Variants in KCNS3 observed in about 807,000 individuals in gnomAD.
The protein encoded by KCNS3 is delayed-rectifier potassium channel regulatory subunit KCNS3.
Under a neutral mutation model 31.0 loss-of-function variants are expected in KCNS3, and 13 were observed. The observed-to-expected ratio is 0.42, with a 90% CI of 0.27 to 0.67. KCNS3 has a LOEUF of 0.67. Among genes scored for constraint, KCNS3 ranks in the 30% least tolerant of loss-of-function variants. KCNS3 has a pLI of 0.25. For missense variants in KCNS3, 545 were observed against 622.4 expected, an observed-to-expected ratio of 0.88 and a Z score of 1.32; for synonymous variants, 238 against 241.5, an observed-to-expected ratio of 0.99 and a Z score of 0.13.
chr2:17,878,784 T>A lies in KCNS3; in HGVS notation c.-274T>A, dbSNP rs376122949. 1.8e-4 allele frequency: 28 copies of A among 152,072 alleles called. No individual in the cohort carries two copies. Among genetic ancestry groups the A allele is most frequent in the African/African-American group, 6.3e-4 (26 of 41,428 alleles). 9.4% of individuals were successfully genotyped at this position (152,072 alleles called of 1,614,324 possible). ...GGCGGCGTCGCAGAGCGGAGCTAGC[T>A]GGATGCGTCCGGACTCCTGCAGGTA... On this transcript the variant is annotated 5_prime_UTR_variant, in exon 1 of 3. Transcript: ENST00000304101.
At chr2:17,883,358 G>T (rs558532548) in intron 1 of KCNS3, among the ~76,000 whole-genome samples, 1 of 149,298 alleles carries the variant, frequency 6.7e-6, no homozygotes, top group Non-Finnish European at 1.5e-5. Context: ...ACTATGCTAG[G>T]TGCTGGGTAT....
Position 17,884,268 on chromosome 2 carries a change from A to AATAT in KCNS3, c.-252+5495_-252+5498dup, listed in dbSNP as rs1227638443. Among the ~76,000 whole-genome samples, 162 of 46,630 alleles carry AATAT rather than the reference A, an allele frequency of 3.5e-3. 1 individual carries two copies. The highest frequency in any genetic ancestry group is 8.2e-3 in the African/African-American group (105 of 12,762). 30.6% of individuals were successfully genotyped at this position (46,630 alleles called of 152,430 possible). A position where few individuals can be genotyped will look rare whatever the true frequency, so the allele number is the denominator to read the frequency against. ...CTTAAAGTATAATTAAAAAAAAAAA[A>AATAT]ATATATATATATATATATATATATA... On this transcript the variant is annotated intron_variant, in intron 1 of 2. Transcript: ENST00000304101.
intron 1 of KCNS3, among the ~76,000 whole-genome samples, chr2:17,888,938 G>A (rs1429808276): frequency 6.6e-6 from 1 of 151,718 alleles, no homozygotes; most frequent in Non-Finnish European, 1.5e-5. Flanking sequence ...ATGGATTTTA[G>A]AATTGTTTTT....
rs779899598 is a variant in KCNS3 at position 17,932,521 on chromosome 2, C to T, written c.*37C>T. 5.7e-6 allele frequency: 9 copies of T among 1,571,268 alleles called. No individual in the cohort carries two copies. In the African/African-American group the frequency reaches 6.8e-5, roughly 12 times the overall value. On this transcript the variant is annotated 3_prime_UTR_variant, in exon 3 of 3. Coordinates refer to ENST00000304101, the MANE Select transcript of KCNS3 (RefSeq NM_002252.5). The stretch of plus-strand genomic sequence containing the variant: ...TGTGCCTGTTTCTCTTATCCTTTCC[C>T]GACATTAGGTTAACACAGCTTTATA...
intron 1 of KCNS3, among the ~76,000 whole-genome samples, chr2:17,900,988 A>G (rs912029082): frequency 2.0e-5 from 3 of 152,180 alleles, no homozygotes; most frequent in Admixed American, 6.5e-5. Flanking sequence ...GATATTTAGT[A>G]TCCATGCTTT....
intron 1 of KCNS3, among the ~76,000 whole-genome samples, chr2:17,893,945 T>TTTTTTTTTA (rs1553341810): frequency 1.7e-5 from 1 of 59,394 alleles, no homozygotes; most frequent in East Asian, 2.1e-4. Flanking sequence ...AGCCAGTTTT[T>TTTTTTTTTA]TTTTTTTTTT....
At chr2:17,901,953 GTCC>G (rs1047348202) in intron 1 of KCNS3, among the ~76,000 whole-genome samples, 10 of 152,258 alleles carry the variant, frequency 6.6e-5, no homozygotes, top group Admixed American at 5.9e-4. Context: ...GTGGCCAGGT[GTCC>G]TCCTCCTCTC....
intron 2 of KCNS3, among the ~76,000 whole-genome samples, chr2:17,922,676 C>T (rs1479577460): frequency 6.6e-6 from 1 of 152,044 alleles, no homozygotes; most frequent in Non-Finnish European, 1.5e-5. Flanking sequence ...CCCCCCAGCC[C>T]CCAGCAACCA....
intron 1 of KCNS3, among the ~76,000 whole-genome samples, chr2:17,914,605 G>A (rs1430504059): frequency 6.6e-6 from 1 of 152,160 alleles, no homozygotes; most frequent in African/African-American, 2.4e-5. Context: ...CTTTAGTCTT[G>A]TTGGCTCAGG....
chr2:17,921,167 A>C lies in KCNS3; in HGVS notation c.-60+3296A>C, dbSNP rs573887254. On this transcript the variant is annotated intron_variant, in intron 2 of 2. Coordinates refer to ENST00000304101, the MANE Select transcript of KCNS3 (RefSeq NM_002252.5). ...AGCACTTACCACAGTGCATAGCCTGAAAAAAGATGCTTAGCACATTTTTCT... is the reference window on the plus strand; with the variant it reads ...AGCACTTACCACAGTGCATAGCCTGCAAAAAGATGCTTAGCACATTTTTCT... 2.6e-5 allele frequency among the ~76,000 whole-genome samples: 4 copies of C among 152,374 alleles called. No individual in the cohort carries two copies. The South Asian group carries it at 8.3e-4, about 32-fold the overall frequency.
chr2:17,931,955 C>T lies in KCNS3; in HGVS notation c.947C>T (p.Thr316Ile), dbSNP rs771499398. The T allele has an allele frequency of 1.2e-6, 2 of 1,614,100 alleles. No individual in the cohort carries two copies. Among genetic ancestry groups the T allele is most frequent in the Non-Finnish European group, 1.7e-6 (2 of 1,180,008 alleles). The change falls in exon 3 of 3, where the codon ACA (threonine) becomes ATA (isoleucine). Residue 316 changes from threonine to isoleucine, a missense_variant. Coordinates refer to ENST00000304101, the MANE Select transcript of KCNS3 (RefSeq NM_002252.5). This position sits in a 1 kb window ranked among gnomAD's most constrained non-coding sequence, Gnocchi z 5.4. ...HSVGLRSLGA[T>I]LRHSYHEVGL... ...GTAGGACTTCGGTCTCTAGGTGCCACACTGAGACACAGCTACCATGAAGTT... is the reference window on the plus strand; with the variant it reads ...GTAGGACTTCGGTCTCTAGGTGCCATACTGAGACACAGCTACCATGAAGTT...
chr2:17,893,077 G>C (rs1307017165), intron 1 of KCNS3, among the ~76,000 whole-genome samples: 1 of 152,200 alleles, frequency 6.6e-6, no homozygotes, highest in African/African-American at 2.4e-5. Context: ...TCTGAGCTCA[G>C]ACTCTCCTTG....
At chr2:17,906,383 C>A (rs559927904) in intron 1 of KCNS3, among the ~76,000 whole-genome samples, 1 of 152,050 alleles carries the variant, frequency 6.6e-6, no homozygotes, top group Non-Finnish European at 1.5e-5. Context: ...AGCGGTCTAT[C>A]TATTTTGTTG....
chr2:17,890,029 A>G (rs1661808434), intron 1 of KCNS3, among the ~76,000 whole-genome samples: 1 of 152,178 alleles, frequency 6.6e-6, no homozygotes, highest in African/African-American at 2.4e-5. Context: ...TGTCTGGTAG[A>G]ATTCTGCTGT....
intron 2 of KCNS3, among the ~76,000 whole-genome samples, chr2:17,921,280 C>T (rs1039660708): frequency 4.6e-5 from 7 of 152,144 alleles, no homozygotes; most frequent in Non-Finnish European, 1.5e-5. Flanking sequence ...CCCGCTGCAA[C>T]AGTGATTAAC....
At chr2:17,924,404 G>T (rs1050902552) in intron 2 of KCNS3, among the ~76,000 whole-genome samples, 1 of 151,968 alleles carries the variant, frequency 6.6e-6, no homozygotes, top group South Asian at 2.1e-4. Flanking sequence ...GAATAAAAGT[G>T]GTGGGATTGG....
At chr2:17,913,896 T>A (rs1381458) in intron 1 of KCNS3, among the ~76,000 whole-genome samples, 139,473 of 152,184 alleles carry the variant, frequency 0.92, 64,091 homozygotes, top group East Asian at 0.99. Context: ...AACACTCTAC[T>A]GTGAATGGGA....
intron 2 of KCNS3, among the ~76,000 whole-genome samples, chr2:17,918,726 G>A (rs77233361): frequency 0.055 from 8,327 of 152,356 alleles, 493 homozygotes; most frequent in East Asian, 0.31. Flanking sequence ...GAAGCTTGGA[G>A]TCTAGAGTGA....
chr2:17,878,317 G>A (rs941443685), upstream of KCNS3, among the ~76,000 whole-genome samples: 1 of 152,114 alleles, frequency 6.6e-6, no homozygotes, highest in Admixed American at 6.5e-5. Context: ...CGGCGCTTCC[G>A]GCCCAGGAGG....
Sources: gnomAD v4.1 joint callset for allele counts (sites outside exome capture counted in the v4.1 genomes callset) on GRCh38, gnomAD v4.1.1 for gene constraint, Gnocchi (gnomAD v3.1) non-coding constraint, MANE v1.5 for transcripts, NCBI Gene and HGNC (gene_info 2026-07-23, HGNC 2026-07-21) for gene names.